Variants in SULT1B1 observed in about 807,000 individuals in gnomAD.
The protein encoded by SULT1B1 is sulfotransferase 1B1.
Under a neutral mutation model 34.6 loss-of-function variants are expected in SULT1B1, and 28 were observed. The observed-to-expected ratio is 0.81, with a 90% CI of 0.60 to 1.11. The LOEUF (loss-of-function observed/expected upper bound fraction) is 1.11, where lower values mean the gene tolerates loss of function less well. Among genes scored for constraint, SULT1B1 ranks in the 50% least tolerant of loss-of-function variants. SULT1B1 has a pLI of 0.00. For synonymous variants in SULT1B1, 147 were observed against 110.2 expected, an observed-to-expected ratio of 1.33 and a Z score of -2.09; for missense variants, 374 against 352.2, an observed-to-expected ratio of 1.06 and a Z score of -0.50.
At chr4:69,755,002 T>C (rs956398150) in intron 2 of SULT1B1, 68 bp downstream of exon 2, 7 of 1,384,978 alleles carry the variant, frequency 5.1e-6, no homozygotes, top group African/African-American at 1.4e-5. Flanking sequence ...AATGATTTTA[T>C]GGACAAGTTG....
At position 69,724,385 on chromosome 4, in the gene SULT1B1, TAGA is replaced by T. The variant is rs1433696419; in HGVS notation, c.*2700_*2702del. On this transcript the variant is annotated 3_prime_UTR_variant, in exon 8 of 8. Coordinates refer to ENST00000310613, the MANE Select transcript of SULT1B1 (RefSeq NM_014465.4). ...TGAAATAAAAGAGGATACAAACAAATAGAAGAACATTCCATGCTCATGGATAGG... is the reference window on the plus strand; with the variant it reads ...TGAAATAAAAGAGGATACAAACAAATAGAACATTCCATGCTCATGGATAGG... The T allele has an allele frequency of 1.3e-5, 2 of 152,176 alleles. No homozygotes were observed. Among genetic ancestry groups the T allele is most frequent in the African/African-American group, 4.8e-5 (2 of 41,412 alleles). The allele number at this position is 152,176 out of a possible 1,614,324, so 9.4% of individuals were successfully genotyped here.
intron 4 of SULT1B1, among the ~76,000 whole-genome samples, chr4:69,748,470 G>A (rs1177646064): frequency 6.6e-6 from 1 of 152,158 alleles, no homozygotes; most frequent in African/African-American, 2.4e-5. Flanking sequence ...AGAACTGCTA[G>A]ACATAAAACA....
intron 4 of SULT1B1, among the ~76,000 whole-genome samples, chr4:69,747,192 G>T (rs1247172149): frequency 6.6e-6 from 1 of 152,206 alleles, no homozygotes; most frequent in Admixed American, 6.5e-5. Flanking sequence ...TGGAAGCAGG[G>T]AGCCAGAGGC....
chr4:69,739,971 A>G (rs193224999), intron 4 of SULT1B1, among the ~76,000 whole-genome samples: 37 of 152,302 alleles, frequency 2.4e-4, no homozygotes, highest in Admixed American at 1.4e-3. Context: ...ACATATCACT[A>G]TCAGCAGTTT....
Position 69,730,534 on chromosome 4 carries a change from T to A in SULT1B1, c.745A>T (p.Met249Leu). 1 of 1,610,612 alleles carries A rather than the reference T, an allele frequency of 6.2e-7. No homozygotes were observed. The highest frequency in any genetic ancestry group is 8.5e-7 in the Non-Finnish European group (1 of 1,177,256). The change falls in exon 7 of 8, where the codon ATG becomes TTG. Residue 249 changes from methionine to leucine, a missense_variant. By Grantham distance (15) the Met-to-Leu change is conservative. Coordinates refer to ENST00000310613, the MANE Select transcript of SULT1B1 (RefSeq NM_014465.4). ...VNYTHLPTTV[M>L]DHSKSPFMRK... ...ATAAAAGGGGATTTGCTATGATCCA[T>A]CACTGTAGTTGGTAGATGTGTATAA...
At chr4:69,755,893 CTTCT>C (rs1719171825) in intron 1 of SULT1B1, among the ~76,000 whole-genome samples, 1 of 152,012 alleles carries the variant, frequency 6.6e-6, no homozygotes, top group African/African-American at 2.4e-5. Flanking sequence ...TCTCTCTCTC[CTTCT>C]GAGACTATAA....
intron 3 of SULT1B1, 111 bp from the exon 4 acceptor site, chr4:69,749,929 T>A: frequency 4.2e-6 from 3 of 718,220 alleles, no homozygotes; most frequent in Non-Finnish European, 7.4e-6. Context: ...GTAATGCAGA[T>A]AAATTCTGAA....
intron 3 of SULT1B1, among the ~76,000 whole-genome samples, chr4:69,751,615 C>A (rs1044006171): frequency 5.9e-5 from 9 of 152,166 alleles, no homozygotes; most frequent in Non-Finnish European, 1.3e-4. Flanking sequence ...CCACGCCCGG[C>A]TAATTTTTTG....
At position 69,726,205 on chromosome 4, in the gene SULT1B1, C is replaced by A. The variant is rs1717833245; in HGVS notation, c.*883G>T. 6.6e-6 allele frequency: 1 copy of A among 150,470 alleles called. No individual in the cohort carries two copies. The highest frequency in any genetic ancestry group is 2.4e-5 in the African/African-American group (1 of 40,950). 9.3% of individuals were successfully genotyped at this position (150,470 alleles called of 1,614,324 possible). ...TTCAGCCTAGAGAGTCTTCCTTGGG[C>A]ACCAGATTGGGAAATATTTTGCAGA... On this transcript the variant is annotated 3_prime_UTR_variant, in exon 8 of 8. Coordinates refer to ENST00000310613, the MANE Select transcript of SULT1B1 (RefSeq NM_014465.4).
chr4:69,741,817 T>A lies in SULT1B1; in HGVS notation c.376-7553A>T, dbSNP rs914738340. ...GGAGTTTTCTAGCTAAAAAATCATATTGACTATGAAGAGAAATAATGTGAC... is the reference window on the plus strand; with the variant it reads ...GGAGTTTTCTAGCTAAAAAATCATAATGACTATGAAGAGAAATAATGTGAC... On this transcript the variant is annotated intron_variant, in intron 4 of 7. Transcript: ENST00000310613. Among the ~76,000 whole-genome samples the A allele has an allele frequency of 2.0e-5, 3 of 152,232 alleles. 1 individual carries two copies. Among genetic ancestry groups the A allele is most frequent in the African/African-American group, 7.2e-5 (3 of 41,450 alleles).
chr4:69,745,185 G>A lies in SULT1B1; in HGVS notation c.375+4536C>T, dbSNP rs190957482. On this transcript the variant is annotated intron_variant, in intron 4 of 7. Transcript: ENST00000310613. ...GTCAATCATACAATATGTGCCATCT[G>A]CAGATGAGAAGAATGTATATTTTGT... is the stretch of plus-strand genomic sequence containing the variant. 1.6e-3 allele frequency among the ~76,000 whole-genome samples: 242 copies of A among 152,252 alleles called. 2 individuals carry two copies. Among genetic ancestry groups the A allele is most frequent in the African/African-American group, 5.7e-3 (238 of 41,552 alleles).
Position 69,749,800 on chromosome 4 carries a change from T to C in SULT1B1, c.296A>G (p.Lys99Arg). The C allele has an allele frequency of 6.2e-7, 1 of 1,613,440 alleles. No individual in the cohort carries two copies. The highest frequency in any genetic ancestry group is 8.5e-7 in the Non-Finnish European group (1 of 1,179,458). Reference protein sequence around the residue: ...LRTSGIEQLEKNPSPRIVKTH... With the variant: ...LRTSGIEQLERNPSPRIVKTH... ...TTTCACAATCCGGGGTGATGGATTC[T>C]TCTCCAATTGTTCTATACCTGAGAA... The change falls in exon 4 of 8, where the codon AAG becomes AGG. Residue 99 changes from lysine to arginine, a missense_variant. Transcript: ENST00000310613.
At chr4:69,753,960 T>C (rs527427958) in intron 3 of SULT1B1, among the ~76,000 whole-genome samples, 55 of 152,272 alleles carry the variant, frequency 3.6e-4, no homozygotes, top group African/African-American at 1.2e-3. Context: ...CCATAAACCA[T>C]GTAGCTATTC....
chr4:69,754,057 G>GT, intron 3 of SULT1B1, among the ~76,000 whole-genome samples: 1 of 152,132 alleles, frequency 6.6e-6, no homozygotes. Context: ...ATTTGTCTAA[G>GT]TTTTTTTCCT....
At chr4:69,748,114 T>A (rs948403544) in intron 4 of SULT1B1, among the ~76,000 whole-genome samples, 1 of 152,116 alleles carries the variant, frequency 6.6e-6, no homozygotes, top group East Asian at 1.9e-4. Context: ...AAAACAGAAC[T>A]TAGCTGTATG....
At position 69,751,044 on chromosome 4, in the gene SULT1B1, T is replaced by C. The variant is rs547146511; in HGVS notation, c.278-1226A>G. On this transcript the variant is annotated intron_variant, in intron 3 of 7. Transcript: ENST00000310613. ...AGTACTTACATACTTAATAAAATGG[T>C]TATTTATCTGAATTTGAAATTAATT... Among the ~76,000 whole-genome samples the C allele has an allele frequency of 4.6e-5, 7 of 152,346 alleles. No homozygotes were observed. The South Asian group carries it at 1.2e-3, about 27-fold the overall frequency.
intron 3 of SULT1B1, 30 bp downstream of exon 3, chr4:69,754,640 A>G (rs770470134): frequency 6.9e-6 from 11 of 1,604,078 alleles, no homozygotes; most frequent in African/African-American, 1.3e-5. Context: ...TAATATTACA[A>G]AATAATAATT....
rs1443867147 is a variant in SULT1B1, at chr4:69,760,472, C to G, written c.-58G>C. 3 of 152,308 alleles carry G rather than the reference C, an allele frequency of 2.0e-5. No homozygotes were observed. In the South Asian group the frequency reaches 6.2e-4, roughly 32 times the overall value. 9.4% of individuals were successfully genotyped at this position (152,308 alleles called of 1,614,324 possible). A position where few individuals can be genotyped will look rare whatever the true frequency, so the allele number is the denominator to read the frequency against. ...AGCAAATTTTACCTCACAATTTAAT[C>G]CCTTTGTTCAGTTTTCATTTTCAGG... On this transcript the variant is annotated 5_prime_UTR_variant, in exon 1 of 8. Coordinates refer to ENST00000310613, the MANE Select transcript of SULT1B1 (RefSeq NM_014465.4).
chr4:69,749,868 T>C (rs1272112853), intron 3 of SULT1B1, 50 bp from the exon 4 acceptor site: 5 of 1,393,752 alleles, frequency 3.6e-6, no homozygotes, highest in Non-Finnish European at 1.0e-6. Context: ...CCAGAAAGGC[T>C]ACGTTTCCTT....
Sources: gnomAD v4.1 joint callset for allele counts (sites outside exome capture counted in the v4.1 genomes callset) on GRCh38, gnomAD v4.1.1 for gene constraint, MANE v1.5 for transcripts, NCBI Gene and HGNC (gene_info 2026-07-23, HGNC 2026-07-21) for gene names.